EPS8L2: variants seen among roughly 807,000 people sequenced by gnomAD.
The protein encoded by EPS8L2 is EPS8 signaling adaptor L2, also known as epidermal growth factor receptor kinase substrate 8-like protein 2.
A neutral mutation model predicts 99.4 loss-of-function variants in EPS8L2; 81 were observed. The ratio of observed to expected loss-of-function variants is 0.82; its 90% CI spans 0.68 to 0.98. The LOEUF (loss-of-function observed/expected upper bound fraction) is 0.98. Among genes scored for constraint, EPS8L2 ranks in the 50% least tolerant of loss-of-function variants. EPS8L2 has a pLI of 0.00. For missense variants in EPS8L2, 1,155 were observed against 968.8 expected, an observed-to-expected ratio of 1.19 and a Z score of -2.55; for synonymous variants, 509 against 407.3, an observed-to-expected ratio of 1.25 and a Z score of -3.01.
chr11:720,978 G>T, intron 7 of EPS8L2, 69 bp downstream of exon 7: 1 of 1,097,672 alleles, frequency 9.1e-7, no homozygotes, highest in Non-Finnish European at 1.2e-6. Context: ...GAGGGGAGGA[G>T]CCGGCAGGGG....
intron 4 of EPS8L2, among the ~76,000 whole-genome samples, chr11:714,996 A>T (rs1861981101): frequency 6.6e-6 from 1 of 152,244 alleles, no homozygotes; most frequent in Non-Finnish European, 1.5e-5. Flanking sequence ...TAATCCCAGC[A>T]CTTTGGGAGG....
In EPS8L2 at chr11:726,968, G is replaced by T. The variant is rs1321755953; in HGVS notation, c.2135G>T (p.Gly712Val). 6.2e-7 allele frequency: 1 copy of T among 1,612,956 alleles called. No individual in the cohort carries two copies. Among genetic ancestry groups the T allele is most frequent in the Non-Finnish European group, 8.5e-7 (1 of 1,179,712 alleles). The stretch of plus-strand genomic sequence containing the variant: ...TTTCATTCCATGAATCAGAGGAGGG[G>T]GGAGGACAGCTAGGCCCAGCTGCCT... ...NKFHSMNQRR[G>V]EDS The change falls in exon 21 of 21, where the codon GGG becomes GTG. Residue 712 changes from glycine to valine, a missense_variant. Gly to Val is a moderately radical substitution (Grantham distance 109). Transcript: ENST00000318562.
At position 724,650 on chromosome 11, in the gene EPS8L2, G is replaced by GC. The variant is rs1862268367; in HGVS notation, c.1455-68dup. 3.9e-6 allele frequency: 4 copies of GC among 1,035,626 alleles called. No homozygotes were observed. Among genetic ancestry groups the GC allele is most frequent in the South Asian group, 2.5e-5 (2 of 78,638 alleles). 64.2% of individuals were successfully genotyped at this position (1,035,626 alleles called of 1,614,324 possible). A position where few individuals can be genotyped will look rare whatever the true frequency, so the allele number is the denominator to read the frequency against. On this transcript the variant is annotated intron_variant, in intron 15 of 20. Coordinates refer to ENST00000318562, the MANE Select transcript of EPS8L2 (RefSeq NM_022772.4). This position sits in a 1 kb window ranked among gnomAD's most constrained non-coding sequence, Gnocchi z 5.5. Reference sequence around the variant, plus strand: ...CCAGTCGTGCACCTGGGAAGCTGCTGCCCCCCAGCCACTGCCCAGGTCTCA... The same window carrying GC: ...CCAGTCGTGCACCTGGGAAGCTGCTGCCCCCCCAGCCACTGCCCAGGTCTCA...
intron 4 of EPS8L2, among the ~76,000 whole-genome samples, chr11:713,993 A>G (rs1861952504): frequency 6.6e-6 from 1 of 152,114 alleles, no homozygotes; most frequent in Admixed American, 6.5e-5. Flanking sequence ...CTGCCTCCCA[A>G]AGTGCTGGGA....
intron 16 of EPS8L2, among the ~76,000 whole-genome samples, chr11:725,279 G>A (rs1418635506): frequency 3.9e-5 from 6 of 152,258 alleles, no homozygotes; most frequent in African/African-American, 1.4e-4. Context: ...GGGAGGCCAA[G>A]GCGGGAGGAT....
Position 719,932 on chromosome 11 carries a change from C to T in EPS8L2, c.166-130C>T, listed in dbSNP as rs1590052784. ...GAGACTCCCCCCACCAAAGGCGGGG[C>T]CGGTCCCCGTTCTAGCCCCCTACCC... On this transcript the variant is annotated intron_variant, in intron 4 of 20. Coordinates refer to ENST00000318562, the MANE Select transcript of EPS8L2 (RefSeq NM_022772.4). 6.3e-6 allele frequency: 5 copies of T among 792,632 alleles called. No individual in the cohort carries two copies. In the Admixed American group the frequency reaches 8.8e-5, roughly 14 times the overall value. 49.1% of individuals were successfully genotyped at this position (792,632 alleles called of 1,614,324 possible).
rs1862318028 is a variant in EPS8L2 at position 726,252 on chromosome 11, G to A, written c.1754-52G>A. On this transcript the variant is annotated intron_variant, in intron 18 of 20. Transcript: ENST00000318562. ...AGTGTGGGGGGGGTCCCTGGGCCGGGGGCGGGGGCAGGGGCAAGGCAGCGG... is the reference window on the plus strand; with the variant it reads ...AGTGTGGGGGGGGTCCCTGGGCCGGAGGCGGGGGCAGGGGCAAGGCAGCGG... 1.9e-6 allele frequency: 3 copies of A among 1,574,992 alleles called. No individual in the cohort carries two copies. The East Asian group carries it at 6.9e-5, about 36-fold the overall frequency.
At position 724,721 on chromosome 11, in the gene EPS8L2, C is replaced by T. The variant is rs761156047; in HGVS notation, c.1455-3C>T. 6 of 1,610,158 alleles carry T rather than the reference C, an allele frequency of 3.7e-6. No homozygotes were observed. Among genetic ancestry groups the T allele is most frequent in the South Asian group, 3.3e-5 (3 of 91,044 alleles). ...GGGCCTCAGCCCCTCCTGTTCCTCA[C>T]AGGGGCTACCAGCCAACACCAGCCA... is the stretch of plus-strand genomic sequence containing the variant. On this transcript the variant is annotated splice_region_variant and splice_polypyrimidine_tract_variant and intron_variant, in intron 15 of 20. Coordinates refer to ENST00000318562, the MANE Select transcript of EPS8L2 (RefSeq NM_022772.4). The surrounding 1 kb of genome is among the most constrained non-coding windows in gnomAD (Gnocchi z 5.5).
At chr11:714,584 C>T (rs1304255797) in intron 4 of EPS8L2, among the ~76,000 whole-genome samples, 1 of 145,420 alleles carries the variant, frequency 6.9e-6, no homozygotes, top group Non-Finnish European at 1.5e-5. Context: ...GCGTTTAGGG[C>T]CAGGATCCAT....
At chr11:709,507 G>C in intron 2 of EPS8L2, 46 bp from the exon 3 acceptor site, 1 of 1,353,690 alleles carries the variant, frequency 7.4e-7, no homozygotes, top group Non-Finnish European at 9.9e-7. Context: ...ACAGTCCCCA[G>C]GGAGGGGTGC....
At chr11:714,676 T>TG (rs71272831) in intron 4 of EPS8L2, among the ~76,000 whole-genome samples, 1 of 149,848 alleles carries the variant, frequency 6.7e-6, no homozygotes, top group African/African-American at 2.5e-5. Flanking sequence ...TTTATTTTAT[T>TG]TTTTTTTGAG....
Position 722,822 on chromosome 11 carries a change from C to T in EPS8L2, c.1341+17C>T, listed in dbSNP as rs1229890125. On this transcript the variant is annotated intron_variant, in intron 14 of 20. Coordinates refer to ENST00000318562, the MANE Select transcript of EPS8L2 (RefSeq NM_022772.4). ...ATCGAGGAGGTGAGAGCACCAGCAG[C>T]CCCCATCCCTACCCCAGCCCCAACA... 6.6e-7 allele frequency: 1 copy of T among 1,518,528 alleles called. No individual in the cohort carries two copies. The highest frequency in any genetic ancestry group is 8.8e-7 in the Non-Finnish European group (1 of 1,134,934). The allele number at this position is 1,518,528 out of a possible 1,614,324, so 94.1% of individuals were successfully genotyped here. A position where few individuals can be genotyped will look rare whatever the true frequency, so the allele number is the denominator to read the frequency against.
At chr11:719,539 C>T (rs975800422) in intron 4 of EPS8L2, among the ~76,000 whole-genome samples, 1 of 152,256 alleles carries the variant, frequency 6.6e-6, no homozygotes, top group Non-Finnish European at 1.5e-5. Flanking sequence ...CCTCTGTGCA[C>T]CAGGCTTTGC....
Position 720,603 on chromosome 11 carries a change from C to A in EPS8L2, c.334C>A (p.Leu112Met). ...RLLDIESQEE[L>M]EDFPLPTVQR... ...CCGCGCGATGTACCCGCAGGAGGAG[C>A]TGGAAGACTTCCCGCTGCCCACGGT... The change falls in exon 6 of 21, where the codon CTG becomes ATG. Residue 112 changes from leucine (L) to methionine (M), a missense_variant. By Grantham distance (15) the Leu-to-Met change is conservative (BLOSUM62 2). Coordinates refer to ENST00000318562, the MANE Select transcript of EPS8L2 (RefSeq NM_022772.4). 6.3e-7 allele frequency: 1 copy of A among 1,599,938 alleles called. No individual in the cohort carries two copies. Among genetic ancestry groups the A allele is most frequent in the Non-Finnish European group, 8.5e-7 (1 of 1,175,008 alleles).
intron 4 of EPS8L2, among the ~76,000 whole-genome samples, chr11:714,390 C>T (rs139226581): frequency 8.0e-4 from 121 of 151,518 alleles, no homozygotes; most frequent in African/African-American, 2.7e-3. Flanking sequence ...TCACCATGCC[C>T]GGCTCATTTT....
intron 3 of EPS8L2, 96 bp from the exon 4 acceptor site, chr11:710,326 C>A: frequency 8.1e-7 from 1 of 1,236,172 alleles, no homozygotes; most frequent in Non-Finnish European, 1.2e-6. Flanking sequence ...AGCCTCCCTC[C>A]GCTTGACTCC....
rs369128855 is a variant in EPS8L2, at chr11:709,572, G to C, written c.64G>C (p.Asp22His). Residue 22 changes from aspartate (D) to histidine (H), a missense_variant, in exon 3 of 21, where the codon GAC (aspartate) becomes CAC (histidine). Coordinates refer to ENST00000318562, the MANE Select transcript of EPS8L2 (RefSeq NM_022772.4). ...GATNGSLGRS[D>H]GVAKMSPKDL... Reference sequence around the variant, plus strand: ...CTGCAGTGGCAGCCTGGGCCGGTCCGACGGTGTGGCCAAGATGAGCCCCAA... The same window carrying C: ...CTGCAGTGGCAGCCTGGGCCGGTCCCACGGTGTGGCCAAGATGAGCCCCAA... The C allele has an allele frequency of 1.2e-6, 2 of 1,612,538 alleles. No individual in the cohort carries two copies. The highest frequency in any genetic ancestry group is 1.1e-5 in the South Asian group (1 of 91,052).
At chr11:722,298 C>T (rs1399380009) in intron 12 of EPS8L2, 103 bp from the exon 13 acceptor site, 1 of 1,547,086 alleles carries the variant, frequency 6.5e-7, no homozygotes, top group Non-Finnish European at 8.8e-7. Flanking sequence ...GCCACTCTCC[C>T]TGGGGTCCAA....
chr11:726,734 C>CAGA lies in EPS8L2; in HGVS notation c.2053_2055dup (p.Lys685dup). ...CCGCGTGTACAGCCAGCTCACCATG[C>CAGA]AGAAGGCCTTCCTGGAGGTGAGCCC... On this transcript the variant is annotated inframe_insertion, in exon 20 of 21. Coordinates refer to ENST00000318562, the MANE Select transcript of EPS8L2 (RefSeq NM_022772.4). 1 of 1,594,840 alleles carries CAGA rather than the reference C, an allele frequency of 6.3e-7. No individual in the cohort carries two copies.
Sources: allele counts gnomAD v4.1 joint callset (sites outside exome capture counted in the v4.1 genomes callset), GRCh38; gene constraint gnomAD v4.1.1; non-coding constraint Gnocchi (gnomAD v3.1); transcripts MANE v1.5; gene names NCBI Gene and HGNC (gene_info 2026-07-23, HGNC 2026-07-21).